Variants in ZNF462 observed in about 807,000 individuals in gnomAD.
ZNF462 encodes the protein zinc finger PBX1-interacting protein.
ZNF462 carries 10 observed loss-of-function variants against 201.9 expected under a neutral mutation model. The ratio of observed to expected loss-of-function variants is 0.05; its 90% CI spans 0.03 to 0.08. The LOEUF is 0.08. ZNF462 is among the 10% of genes least tolerant of loss of function. ZNF462 has a pLI of 1.00. For synonymous variants in ZNF462, 1,227 were observed against 1,193.3 expected (o/e 1.03, Z -0.58); for missense variants, 2,523 against 3,168.3 (o/e 0.80, Z 4.89).
rs1158899293 is a variant in ZNF462, at chr9:106,923,569, A to G, written c.186A>G (p.Ile62Met). Reference sequence around the variant, plus strand: ...AGACAGAGGTGGAGTTTTCTTCTATAAAGGATGAATTTGCCATTGCAGAAG... The same window carrying G: ...AGACAGAGGTGGAGTTTTCTTCTATGAAGGATGAATTTGCCATTGCAGAAG... The part of the protein sequence containing the change: ...SNQTEVEFSS[I>M]KDEFAIAEDL... The change falls in exon 2 of 13, where the codon ATA (isoleucine) becomes ATG (methionine). Residue 62 changes from isoleucine to methionine, a missense_variant. By Grantham distance (10) the Ile-to-Met change is conservative (BLOSUM62 1). This residue lies in a region of ZNF462 where 480 missense variants were observed against 544.4 expected (regional missense o/e 0.88). Transcript: ENST00000277225. The surrounding 1 kb of genome is among the most constrained non-coding windows in gnomAD (Gnocchi z 5.6). 1.2e-6 allele frequency: 2 copies of G among 1,614,232 alleles called. No homozygotes were observed. The highest frequency in any genetic ancestry group is 3.3e-5 in the Admixed American group (2 of 60,028).
intron 10 of ZNF462, among the ~76,000 whole-genome samples, chr9:106,998,497 G>T (rs1041263807): frequency 2.0e-5 from 3 of 152,134 alleles, no homozygotes; most frequent in Middle Eastern, 3.2e-3. Flanking sequence ...AAACCATTTT[G>T]CTGAATAGTT....
chr9:106,886,729 A>G lies in ZNF462; in HGVS notation c.-31+23374A>G, dbSNP rs1309837203. ...GTTAGTTAAGGAAGCCTGAAATGGA[A>G]TATCAGTTTTCTGCCCTGGTGATCC... On this transcript the variant is annotated intron_variant, in intron 1 of 12. Coordinates refer to ENST00000277225, the MANE Select transcript of ZNF462 (RefSeq NM_021224.6). The surrounding 1 kb of genome is among the most constrained non-coding windows in gnomAD (Gnocchi z 4.6). Among the ~76,000 whole-genome samples, 6 of 152,162 alleles carry G rather than the reference A, an allele frequency of 3.9e-5. No homozygotes were observed. The highest frequency in any genetic ancestry group is 3.9e-4 in the Admixed American group (6 of 15,276).
At chr9:106,906,804 C>G (rs985715392) in intron 1 of ZNF462, among the ~76,000 whole-genome samples, 1 of 152,200 alleles carries the variant, frequency 6.6e-6, no homozygotes, top group Admixed American at 6.5e-5. Context: ...GTGTTATTCA[C>G]TTGGGCCCAC....
intron 7 of ZNF462, among the ~76,000 whole-genome samples, chr9:106,965,207 C>T (rs750971175): frequency 5.3e-5 from 8 of 151,956 alleles, no homozygotes; most frequent in South Asian, 2.1e-4. Flanking sequence ...ACACTGGTGG[C>T]GTTGATTAAG....
At chr9:106,986,974 A>G (rs890934237) in intron 10 of ZNF462, among the ~76,000 whole-genome samples, 1 of 139,162 alleles carries the variant, frequency 7.2e-6, no homozygotes, top group African/African-American at 2.7e-5. Flanking sequence ...GTAGTATTCC[A>G]TCATAGATAG....
In ZNF462 at chr9:106,872,428, A is replaced by G. The variant is rs1564068492; in HGVS notation, c.-31+9073A>G. On this transcript the variant is annotated intron_variant, in intron 1 of 12. Transcript: ENST00000277225. The surrounding 1 kb of genome is among the most constrained non-coding windows in gnomAD (Gnocchi z 4.5). ...TCCCAGGCTGGAGTGCAGTGGCACG[A>G]TCTCCACTTAAGCAACTGCTGCCTC... 1.3e-5 allele frequency among the ~76,000 whole-genome samples: 2 copies of G among 152,098 alleles called. No individual in the cohort carries two copies. The highest frequency in any genetic ancestry group is 6.5e-5 in the Admixed American group (1 of 15,280).
At position 106,876,533 on chromosome 9, in the gene ZNF462, T is replaced by C. The variant is rs780923894; in HGVS notation, c.-31+13178T>C. Among the ~76,000 whole-genome samples the C allele has an allele frequency of 1.3e-5, 2 of 152,252 alleles. No individual in the cohort carries two copies. Among genetic ancestry groups the C allele is most frequent in the East Asian group, 1.9e-4 (1 of 5,198 alleles). On this transcript the variant is annotated intron_variant, in intron 1 of 12. Transcript: ENST00000277225. This position sits in a 1 kb window ranked among gnomAD's most constrained non-coding sequence, Gnocchi z 4.9. ...CCATTCCCAGCTAGACTTTATTACATCTTCAACTGATGTTCTGTGGATGAA... is the reference window on the plus strand; with the variant it reads ...CCATTCCCAGCTAGACTTTATTACACCTTCAACTGATGTTCTGTGGATGAA...
chr9:106,984,440 A>C lies in ZNF462; in HGVS notation c.7056+31A>C. 6.3e-7 allele frequency: 1 copy of C among 1,575,768 alleles called. No homozygotes were observed. Among genetic ancestry groups the C allele is most frequent in the Non-Finnish European group, 8.7e-7 (1 of 1,155,870 alleles). On this transcript the variant is annotated intron_variant, in intron 10 of 12. Transcript: ENST00000277225. The surrounding 1 kb of genome is among the most constrained non-coding windows in gnomAD (Gnocchi z 6.4). Reference sequence around the variant, plus strand: ...TACCAGGACTTCCTGCTCCCGCCTCAGCACACTTGTGGGGAGGGGCCAAGG... The same window carrying C: ...TACCAGGACTTCCTGCTCCCGCCTCCGCACACTTGTGGGGAGGGGCCAAGG...
rs10978663 is a variant in ZNF462 at position 106,867,361 on chromosome 9, A to G, written c.-31+4006A>G. Among the ~76,000 whole-genome samples the G allele has an allele frequency of 1.4e-3, 219 of 152,266 alleles. 7 individuals carry two copies. In the East Asian group the frequency reaches 0.039, roughly 27 times the overall value. On this transcript the variant is annotated intron_variant, in intron 1 of 12. Transcript: ENST00000277225. The stretch of plus-strand genomic sequence containing the variant: ...ACAAGTTCATGTGGCTTATTATGCA[A>G]ATTTTTTGCCATGGCTCTAATATAT...
At chr9:106,991,817 C>A (rs1828288439) in intron 10 of ZNF462, among the ~76,000 whole-genome samples, 1 of 144,740 alleles carries the variant, frequency 6.9e-6, no homozygotes, top group Admixed American at 7.0e-5. Flanking sequence ...AGATTATGAC[C>A]CTTGACCTTT....
rs75330714 is a variant in ZNF462, at chr9:106,890,936, T to C, written c.-31+27581T>C. Among the ~76,000 whole-genome samples the C allele has an allele frequency of 6.6e-6, 1 of 152,348 alleles. No homozygotes were observed. The highest frequency in any genetic ancestry group is 1.9e-4 in the East Asian group (1 of 5,184). Reference sequence around the variant, plus strand: ...CCTTAAAATCTGATGGTTTTCTTTGTACCTTTCTGGTTGAGTAAAGAATAA... The same window carrying C: ...CCTTAAAATCTGATGGTTTTCTTTGCACCTTTCTGGTTGAGTAAAGAATAA... On this transcript the variant is annotated intron_variant, in intron 1 of 12. Transcript: ENST00000277225. This position sits in a 1 kb window ranked among gnomAD's most constrained non-coding sequence, Gnocchi z 4.2.
At position 106,865,044 on chromosome 9, in the gene ZNF462, T is replaced by C. The variant is rs1371815772; in HGVS notation, c.-31+1689T>C. 2.0e-5 allele frequency among the ~76,000 whole-genome samples: 3 copies of C among 152,176 alleles called. No homozygotes were observed. Among genetic ancestry groups the C allele is most frequent in the Non-Finnish European group, 2.9e-5 (2 of 68,024 alleles). On this transcript the variant is annotated intron_variant, in intron 1 of 12. Coordinates refer to ENST00000277225, the MANE Select transcript of ZNF462 (RefSeq NM_021224.6). The surrounding 1 kb of genome is among the most constrained non-coding windows in gnomAD (Gnocchi z 4.1). ...AGGAGGAGGAGGCTTGCTTGCCTACTCCTTCTCTCTTTCCAGAGGGAAACC... is the reference window on the plus strand; with the variant it reads ...AGGAGGAGGAGGCTTGCTTGCCTACCCCTTCTCTCTTTCCAGAGGGAAACC...
chr9:106,904,984 G>A lies in ZNF462; in HGVS notation c.-30-18370G>A, dbSNP rs569958900. Among the ~76,000 whole-genome samples the A allele has an allele frequency of 6.3e-4, 96 of 152,220 alleles. 1 individual carries two copies. The highest frequency in any genetic ancestry group is 3.4e-3 in the Middle Eastern group (1 of 294). The stretch of plus-strand genomic sequence containing the variant: ...ACTAGTGTGATTTTTTTGTGGGGGG[G>A]TGTTGAAGAGCCTTGTTTTGTCATA... On this transcript the variant is annotated intron_variant, in intron 1 of 12. Coordinates refer to ENST00000277225, the MANE Select transcript of ZNF462 (RefSeq NM_021224.6).
chr9:106,862,033 T>G (rs1050162638), upstream of ZNF462, among the ~76,000 whole-genome samples: 8 of 152,108 alleles, frequency 5.3e-5, no homozygotes, highest in Non-Finnish European at 7.4e-5. This position sits in a 1 kb window ranked among gnomAD's most constrained non-coding sequence, Gnocchi z 4.2. Context: ...AAGAAAGTGG[T>G]GGTTCCGAAG....
chr9:106,882,279 G>A (rs572898140), intron 1 of ZNF462, among the ~76,000 whole-genome samples: 2 of 152,142 alleles, frequency 1.3e-5, no homozygotes, highest in African/African-American at 4.8e-5. Flanking sequence ...TAAAACAGAT[G>A]TACACAGTCA....
At chr9:106,891,066 C>G (rs116660929) in intron 1 of ZNF462, among the ~76,000 whole-genome samples, 2,148 of 151,980 alleles carry the variant, frequency 0.014, 33 homozygotes, top group Middle Eastern at 0.027. Flanking sequence ...GAAAATACAC[C>G]GGCTGAAAAA....
Position 106,930,834 on chromosome 9 carries a change from T to C in ZNF462, c.6012+145T>C. 4.8e-6 allele frequency: 5 copies of C among 1,051,388 alleles called. No individual in the cohort carries two copies. The South Asian group carries it at 6.6e-5, about 14-fold the overall frequency. 65.1% of individuals were successfully genotyped at this position (1,051,388 alleles called of 1,614,324 possible). Reference sequence around the variant, plus strand: ...CTTGGATTGGTTTGGCTTGTTTTGATTTCTTTGCAGGTTGGACCTTCCTCA... The same window carrying C: ...CTTGGATTGGTTTGGCTTGTTTTGACTTCTTTGCAGGTTGGACCTTCCTCA... On this transcript the variant is annotated intron_variant, in intron 4 of 12. Coordinates refer to ENST00000277225, the MANE Select transcript of ZNF462 (RefSeq NM_021224.6). The surrounding 1 kb of genome is among the most constrained non-coding windows in gnomAD (Gnocchi z 5.8).
In ZNF462 at chr9:106,886,427, A is replaced by G. The variant is rs921891444; in HGVS notation, c.-31+23072A>G. ...TCAAGCCACTGCATGTTGGCAATGT[A>G]GTAGATCCTGGTTTTAAAAATAAAA... On this transcript the variant is annotated intron_variant, in intron 1 of 12. Transcript: ENST00000277225. The surrounding 1 kb of genome is among the most constrained non-coding windows in gnomAD (Gnocchi z 4.6). Among the ~76,000 whole-genome samples, 1 of 152,218 alleles carries G rather than the reference A, an allele frequency of 6.6e-6. No homozygotes were observed. The highest frequency in any genetic ancestry group is 2.4e-5 in the African/African-American group (1 of 41,448).
intron 1 of ZNF462, among the ~76,000 whole-genome samples, chr9:106,897,777 T>G (rs1203823857): frequency 1.3e-5 from 2 of 152,106 alleles, no homozygotes; most frequent in Non-Finnish European, 2.9e-5. Context: ...AAGACAAGGA[T>G]GGCATTGAGA....
Sources: gnomAD v4.1 joint callset for allele counts (sites outside exome capture counted in the v4.1 genomes callset) on GRCh38, gnomAD v4.1.1 for gene constraint, gnomAD v4.1.1 regional missense constraint, Gnocchi (gnomAD v3.1) non-coding constraint, MANE v1.5 for transcripts, NCBI Gene and HGNC (gene_info 2026-07-23, HGNC 2026-07-21) for gene names.